SRRM4: variants seen among roughly 807,000 people sequenced by gnomAD.
SRRM4 encodes serine/arginine repetitive matrix 4.
Under a neutral mutation model 68.9 loss-of-function variants are expected in SRRM4, and 33 were observed. The ratio of observed to expected loss-of-function variants is 0.48; its 90% confidence interval spans 0.36 to 0.64. SRRM4 has a LOEUF of 0.64. SRRM4 is among the 30% of genes least tolerant of loss of function. The probability of loss-of-function intolerance (pLI) is 0.00; values close to 1 mark genes in which losing one functional copy is unlikely to be tolerated. For missense variants in SRRM4, 817 were observed against 827.1 expected (o/e 0.99, Z 0.15); for synonymous variants, 318 against 318.8 (o/e 1.00, Z 0.03).
chr12:119,083,498 A>G (rs1394998768), intron 1 of SRRM4, among the ~76,000 whole-genome samples: 2 of 152,090 alleles, frequency 1.3e-5, no homozygotes, highest in Non-Finnish European at 2.9e-5. Context: ...TGAGGTCTAT[A>G]GCCTGCACAG....
intron 1 of SRRM4, among the ~76,000 whole-genome samples, chr12:119,064,893 C>T (rs765672453): frequency 6.6e-6 from 1 of 152,130 alleles, no homozygotes; most frequent in Non-Finnish European, 1.5e-5. Flanking sequence ...TAAAGTTCAG[C>T]TTCAGTTGAT....
chr12:119,147,395 T>C (rs1418566473), intron 9 of SRRM4, among the ~76,000 whole-genome samples: 8 of 152,212 alleles, frequency 5.3e-5, no homozygotes, highest in Non-Finnish European at 1.0e-4. Flanking sequence ...ATAACTGTCA[T>C]TATACATTTG....
intron 1 of SRRM4, among the ~76,000 whole-genome samples, chr12:119,005,474 C>T (rs1953410433): frequency 6.6e-6 from 1 of 152,158 alleles, no homozygotes; most frequent in Admixed American, 6.5e-5. Flanking sequence ...TTGGGATTTT[C>T]TTAATCGCTC....
intron 7 of SRRM4, among the ~76,000 whole-genome samples, chr12:119,127,088 T>C (rs7300614): frequency 1.1e-3 from 153 of 145,664 alleles, no homozygotes; most frequent in African/African-American, 3.7e-3. Flanking sequence ...AGGGATAGCA[T>C]TGGGAGATAT....
At chr12:119,108,798 T>A (rs1047599636) in intron 2 of SRRM4, among the ~76,000 whole-genome samples, 1 of 152,236 alleles carries the variant, frequency 6.6e-6, no homozygotes, top group Admixed American at 6.5e-5. Context: ...TGTCTTTTAA[T>A]TGGAGCATTT....
intron 8 of SRRM4, among the ~76,000 whole-genome samples, chr12:119,132,782 T>C (rs766715043): frequency 7.9e-5 from 12 of 152,106 alleles, no homozygotes; most frequent in Non-Finnish European, 1.5e-4. Context: ...AGCCTAATGC[T>C]CTGATTACTA....
rs145780178 is a variant in SRRM4, at chr12:119,100,238, C to T, written c.132-1998C>T. 3.6e-4 allele frequency among the ~76,000 whole-genome samples: 54 copies of T among 148,816 alleles called. No homozygotes were observed. In the Middle Eastern group the frequency reaches 0.014, roughly 40 times the overall value. On this transcript the variant is annotated intron_variant, in intron 1 of 12. Transcript: ENST00000267260. ...GAAAATGGTGGCTCATACCTGTAAT[C>T]CCAGCACTTTGGGAGGCCAAGTCAG...
At chr12:119,100,823 T>C (rs1954073822) in intron 1 of SRRM4, among the ~76,000 whole-genome samples, 1 of 151,932 alleles carries the variant, frequency 6.6e-6, no homozygotes, top group Admixed American at 6.5e-5. Context: ...GTAACCCCCA[T>C]AGGAGGGAGG....
Position 119,156,634 on chromosome 12 carries a change from A to C in SRRM4, c.1672A>C (p.Ser558Arg). The C allele has an allele frequency of 6.3e-7, 1 of 1,599,426 alleles. No homozygotes were observed. Among genetic ancestry groups the C allele is most frequent in the Non-Finnish European group, 8.5e-7 (1 of 1,174,552 alleles). The part of the protein sequence containing the change: ...SYSRSRSRSR[S>R]RRRSRTRTSS... Reference sequence around the variant, plus strand: ...CTCCCGGAGCCGGAGTCGGAGCCGGAGCCGGAGACGGAGCCGGACCCGCAC... The same window carrying C: ...CTCCCGGAGCCGGAGTCGGAGCCGGCGCCGGAGACGGAGCCGGACCCGCAC... The change falls in exon 13 of 13, where the codon AGC becomes CGC. Residue 558 changes from serine (S) to arginine (R), a missense_variant. Transcript: ENST00000267260.
At chr12:119,020,972 T>C (rs1172010036) in intron 1 of SRRM4, among the ~76,000 whole-genome samples, 3 of 152,304 alleles carry the variant, frequency 2.0e-5, no homozygotes, top group African/African-American at 4.8e-5. Context: ...AAGTGATTCC[T>C]AGAGACGGTG....
intron 2 of SRRM4, 61 bp downstream of exon 2, chr12:119,102,443 A>G: frequency 1.4e-6 from 2 of 1,381,036 alleles, no homozygotes; most frequent in Non-Finnish European, 2.0e-6. Context: ...CTCTCTGGCC[A>G]TGGCTCACCC....
chr12:119,160,228 G>C lies in SRRM4; in HGVS notation c.*3430G>C, dbSNP rs1007192097. 6.6e-6 allele frequency: 1 copy of C among 151,940 alleles called. No homozygotes were observed. Among genetic ancestry groups the C allele is most frequent in the African/African-American group, 2.4e-5 (1 of 41,276 alleles). 9.4% of individuals were successfully genotyped at this position (151,940 alleles called of 1,614,324 possible). On this transcript the variant is annotated 3_prime_UTR_variant, in exon 13 of 13. Coordinates refer to ENST00000267260, the MANE Select transcript of SRRM4 (RefSeq NM_194286.4). ...AAGTTTACAAGAAGGCTGCTTAAAT[G>C]CCTGCTTCGGGGAAATCTCTGCCTC...
rs1954484844 is a variant in SRRM4 at position 119,157,981 on chromosome 12, T to C, written c.*1183T>C. On this transcript the variant is annotated 3_prime_UTR_variant, in exon 13 of 13. Transcript: ENST00000267260. The surrounding 1 kb of genome is among the most constrained non-coding windows in gnomAD (Gnocchi z 4.1). Reference sequence around the variant, plus strand: ...AGAGGGGCTTGGATATGCCATGTCTTGGGCTCCTGCTGGCTTCTGAGGTTT... The same window carrying C: ...AGAGGGGCTTGGATATGCCATGTCTCGGGCTCCTGCTGGCTTCTGAGGTTT... The C allele has an allele frequency of 6.5e-6, 1 of 152,738 alleles. No homozygotes were observed. 9.5% of individuals were successfully genotyped at this position (152,738 alleles called of 1,614,324 possible).
chr12:119,052,227 C>T lies in SRRM4; in HGVS notation c.132-50009C>T, dbSNP rs148352129. Among the ~76,000 whole-genome samples the T allele has an allele frequency of 2.3e-3, 343 of 152,258 alleles. 2 individuals carry two copies. The highest frequency in any genetic ancestry group is 7.8e-3 in the African/African-American group (325 of 41,534). On this transcript the variant is annotated intron_variant, in intron 1 of 12. Transcript: ENST00000267260. ...AATCACCGTGGCAACTGTGGCTGCT[C>T]TCGTGGATGTGGACTGTTCCCATGT...
rs147026508 is a variant in SRRM4 at position 118,996,936 on chromosome 12, G to C, written c.131+14923G>C. 3.2e-4 allele frequency among the ~76,000 whole-genome samples: 48 copies of C among 152,352 alleles called. No individual in the cohort carries two copies. In the East Asian group the frequency reaches 8.7e-3, roughly 28 times the overall value. ...CCAAGACTAGGTTCAGATAGAGGAGGAAGGTTCTGCACAGAGATGAGGTGG... is the reference window on the plus strand; with the variant it reads ...CCAAGACTAGGTTCAGATAGAGGAGCAAGGTTCTGCACAGAGATGAGGTGG... On this transcript the variant is annotated intron_variant, in intron 1 of 12. Coordinates refer to ENST00000267260, the MANE Select transcript of SRRM4 (RefSeq NM_194286.4).
chr12:119,096,189 T>TTC (rs1491076226), intron 1 of SRRM4, among the ~76,000 whole-genome samples: 17 of 69,172 alleles, frequency 2.5e-4, no homozygotes, highest in South Asian at 2.3e-3. Context: ...CCCAGCTAAT[T>TTC]TTTTTTTTTT....
At chr12:119,011,640 A>G (rs1440927903) in intron 1 of SRRM4, among the ~76,000 whole-genome samples, 1 of 152,220 alleles carries the variant, frequency 6.6e-6, no homozygotes. Context: ...AAAAAATAAA[A>G]TAAAAGCCAC....
chr12:119,156,730 CGGAGCCGGAGCA>C lies in SRRM4; in HGVS notation c.1775_1786del (p.Arg592_Ser595del), dbSNP rs1409138865. ...CCGGAGCCGGAGCAGGAGCCGGAGC[CGGAGCCGGAGCA>C]GGAGCCAGAGCCGGAGCTACAGCTC... On this transcript the variant is annotated inframe_deletion, in exon 13 of 13. Transcript: ENST00000267260. The C allele has an allele frequency of 9.1e-6, 14 of 1,546,944 alleles. No homozygotes were observed. The highest frequency in any genetic ancestry group is 1.2e-5 in the Non-Finnish European group (14 of 1,146,432).
chr12:119,033,615 G>C (rs1256885379), intron 1 of SRRM4, among the ~76,000 whole-genome samples: 1 of 148,242 alleles, frequency 6.7e-6, no homozygotes, highest in Non-Finnish European at 1.5e-5. Flanking sequence ...CGTGAGCAGA[G>C]AATATTCCAC....
Sources: allele counts gnomAD v4.1 joint callset (sites outside exome capture counted in the v4.1 genomes callset), GRCh38; gene constraint gnomAD v4.1.1; non-coding constraint Gnocchi (gnomAD v3.1); transcripts MANE v1.5; gene names NCBI Gene and HGNC (gene_info 2026-07-23, HGNC 2026-07-21).